ACADL: variants seen among roughly 807,000 people sequenced by gnomAD.
ACADL encodes the protein long-chain specific acyl-CoA dehydrogenase, mitochondrial.
Under a neutral mutation model 56.9 loss-of-function variants are expected in ACADL, and 60 were observed. The ratio of observed to expected loss-of-function variants is 1.05; its 90% CI spans 0.86 to 1.31. The LOEUF is 1.31. Among genes scored for constraint, ACADL ranks in the 50% most tolerant of loss-of-function variants. ACADL has a pLI of 0.00. For synonymous variants in ACADL, 158 were observed against 179.7 expected (o/e 0.88, Z 0.97); for missense variants, 484 against 525.5 (o/e 0.92, Z 0.77).
At chr2:210,205,562 T>C in intron 6 of ACADL, 70 bp downstream of exon 6, 1 of 1,483,394 alleles carries the variant, frequency 6.7e-7, no homozygotes, top group Non-Finnish European at 9.4e-7. Context: ...TGTAATCCTC[T>C]ATGTAAGTCT....
intron 1 of ACADL, 107 bp downstream of exon 1, chr2:210,225,080 C>T (rs1689247268): frequency 6.6e-7 from 1 of 1,512,900 alleles, no homozygotes; most frequent in Non-Finnish European, 8.8e-7. Context: ...GGGAGCACTC[C>T]CAGCCGCGCG....
intron 2 of ACADL, among the ~76,000 whole-genome samples, chr2:210,219,665 A>T (rs1006740172): frequency 6.6e-6 from 1 of 152,178 alleles, no homozygotes; most frequent in African/African-American, 2.4e-5. Context: ...TAAAGTACGG[A>T]TGTCTCTGTA....
At chr2:210,211,923 C>G (rs1012306843) in intron 4 of ACADL, among the ~76,000 whole-genome samples, 9 of 151,532 alleles carry the variant, frequency 5.9e-5, no homozygotes, top group Non-Finnish European at 1.2e-4. Context: ...CTCTGCCTCC[C>G]CAGTTCAAGT....
chr2:210,220,686 C>G lies in ACADL; in HGVS notation c.194G>C (p.Arg65Thr). Residue 65 changes from arginine to threonine, a missense_variant, in exon 2 of 11, where the codon AGG becomes ACG. Arg to Thr is a moderately conservative substitution (Grantham distance 71). Coordinates refer to ENST00000233710, the MANE Select transcript of ACADL (RefSeq NM_001608.4). ...AATCACTTCTTCTTGGAAAAACTTC[C>G]TTACACTTTTCCGGAAAATGTCATG... Reference protein sequence around the residue: ...PEHDIFRKSVRKFFQEEVIPH... With the variant: ...PEHDIFRKSVTKFFQEEVIPH... The G allele has an allele frequency of 6.2e-7, 1 of 1,613,560 alleles. No individual in the cohort carries two copies. Among genetic ancestry groups the G allele is most frequent in the Non-Finnish European group, 8.5e-7 (1 of 1,179,780 alleles).
At position 210,195,259 on chromosome 2, in the gene ACADL, T is replaced by G; in HGVS notation, c.1064A>C (p.His355Pro). The G allele has an allele frequency of 6.2e-7, 1 of 1,613,970 alleles. No homozygotes were observed. Among genetic ancestry groups the G allele is most frequent in the Non-Finnish European group, 8.5e-7 (1 of 1,179,922 alleles). The change falls in exon 9 of 11, where the codon CAT becomes CCT. Residue 355 changes from histidine to proline, a missense_variant. Coordinates refer to ENST00000233710, the MANE Select transcript of ACADL (RefSeq NM_001608.4). The part of the protein sequence containing the change: ...RAFVDNCLQL[H>P]EAKRLDSATA... ...GGCGGAGTCCAAACGTTTCGCTTCA[T>G]GCAGCTGGAGACAGTTGTCCACAAA... is the stretch of plus-strand genomic sequence containing the variant.
At chr2:210,211,316 G>A (rs957518229) in intron 4 of ACADL, among the ~76,000 whole-genome samples, 3 of 152,052 alleles carry the variant, frequency 2.0e-5, no homozygotes, top group African/African-American at 7.2e-5. Flanking sequence ...AAACACTTAG[G>A]TCCCAATTTT....
At chr2:210,222,000 A>T (rs553108409) in intron 1 of ACADL, among the ~76,000 whole-genome samples, 1 of 152,264 alleles carries the variant, frequency 6.6e-6, no homozygotes, top group East Asian at 1.9e-4. Context: ...AAGGGCTGAG[A>T]CTACAGGCAT....
At chr2:210,215,641 T>G (rs1689074175) in intron 4 of ACADL, among the ~76,000 whole-genome samples, 1 of 152,202 alleles carries the variant, frequency 6.6e-6, no homozygotes, top group South Asian at 2.1e-4. Context: ...TTTCTTCTCA[T>G]TTGTCAAATC....
Position 210,205,686 on chromosome 2 carries a change from T to C in ACADL, c.714A>G (p.Gly238=). 2 of 1,613,932 alleles carry C rather than the reference T, an allele frequency of 1.2e-6. No individual in the cohort carries two copies. Among genetic ancestry groups the C allele is most frequent in the Non-Finnish European group, 1.7e-6 (2 of 1,179,932 alleles). The part of the protein sequence containing the change: ...HGISLFLVEN[G]MKGFIKGRKL... ...TTCGTCCCTTGATAAATCCTTTCAT[T>C]CCATTTTCCACCAGAAAAAGGCTAA... The change falls in exon 6 of 11, where the codon GGA becomes GGG. Residue 238 remains glycine (G), a synonymous_variant. Transcript: ENST00000233710.
chr2:210,220,936 C>T, intron 1 of ACADL, 134 bp from the exon 2 acceptor site: 1 of 732,128 alleles, frequency 1.4e-6, no homozygotes, highest in Non-Finnish European at 2.2e-6. Context: ...TGAATTATGA[C>T]AAAGCTGGGT....
intron 5 of ACADL, among the ~76,000 whole-genome samples, chr2:210,207,602 G>A (rs1688909015): frequency 6.6e-6 from 1 of 152,006 alleles, no homozygotes; most frequent in Non-Finnish European, 1.5e-5. Context: ...TGGGTTAAGC[G>A]GTCCTACAAC....
intron 6 of ACADL, among the ~76,000 whole-genome samples, chr2:210,205,163 A>G (rs1688862870): frequency 6.6e-6 from 1 of 152,020 alleles, no homozygotes; most frequent in Admixed American, 6.6e-5. Context: ...AGTAGCTGAG[A>G]CTACAGGTGC....
chr2:210,190,047 G>A (rs1452172183), intron 10 of ACADL, among the ~76,000 whole-genome samples: 1 of 151,390 alleles, frequency 6.6e-6, no homozygotes, highest in African/African-American at 2.4e-5. Context: ...TTTTTCTCAA[G>A]TATAATCTTG....
At chr2:210,190,822 A>G (rs1688620324) in intron 10 of ACADL, among the ~76,000 whole-genome samples, 2 of 152,110 alleles carry the variant, frequency 1.3e-5, no homozygotes, top group Admixed American at 6.6e-5. Flanking sequence ...AAGAAACACA[A>G]TTAGAAGATT....
Position 210,189,032 on chromosome 2 carries a change from G to A in ACADL, c.1222C>T (p.Gln408Ter). The change falls in exon 11 of 11, where the codon CAG becomes TAG. Residue 408 changes from glutamine (Q) to a stop codon, truncating the protein, a stop_gained. Transcript: ENST00000233710. LOFTEE classifies it high-confidence loss of function. ...TCATTTGTACCACCATAGATTGGCT[G>A]AACTCTGGCATCCACATAAGCTCTG... ...IAKAYVDARV[Q>*]PIYGGTNEIM... 6.2e-7 allele frequency: 1 copy of A among 1,612,730 alleles called. No individual in the cohort carries two copies. Among genetic ancestry groups the A allele is most frequent in the Non-Finnish European group, 8.5e-7 (1 of 1,178,882 alleles).
chr2:210,191,004 CCT>C (rs1043892419), intron 10 of ACADL, among the ~76,000 whole-genome samples: 1 of 151,598 alleles, frequency 6.6e-6, no homozygotes, highest in Non-Finnish European at 1.5e-5. Context: ...GCAACCTCCG[CCT>C]CTCGGGTTAG....
intron 4 of ACADL, among the ~76,000 whole-genome samples, chr2:210,211,839 T>G (rs1575678374): frequency 6.6e-6 from 1 of 151,880 alleles, no homozygotes; most frequent in East Asian, 1.9e-4. Flanking sequence ...CATTTTTTTT[T>G]TTTTTTTTGA....
chr2:210,204,070 T>A (rs1688844873), intron 7 of ACADL, among the ~76,000 whole-genome samples: 1 of 152,206 alleles, frequency 6.6e-6, no homozygotes, highest in Non-Finnish European at 1.5e-5. Flanking sequence ...TTCATGGCAG[T>A]CACTAGGCAG....
chr2:210,202,784 A>G (rs1250184476), intron 8 of ACADL, among the ~76,000 whole-genome samples: 2 of 152,020 alleles, frequency 1.3e-5, no homozygotes, highest in Admixed American at 1.3e-4. Context: ...CTTTCTCTCA[A>G]CTACCATTCA....
Sources: allele counts gnomAD v4.1 joint callset (sites outside exome capture counted in the v4.1 genomes callset), GRCh38; gene constraint gnomAD v4.1.1; transcripts MANE v1.5; gene names NCBI Gene and HGNC (gene_info 2026-07-23, HGNC 2026-07-21).